Variants in GABRG3 observed in about 807,000 individuals in gnomAD.
GABRG3 encodes gamma-aminobutyric acid type A receptor subunit gamma3.
A neutral mutation model predicts 48.8 loss-of-function variants in GABRG3; 25 were observed. The observed-to-expected ratio is 0.51, with a 90% CI of 0.37 to 0.72. The LOEUF (loss-of-function observed/expected upper bound fraction) is 0.72. Ranked by LOEUF, GABRG3 falls within the 30% of genes least tolerant of loss-of-function variation. The pLI, the probability that GABRG3 is intolerant of heterozygous loss-of-function variation, is 0.00. For synonymous variants in GABRG3, 227 were observed against 217.6 expected, an observed-to-expected ratio of 1.04 and a Z score of -0.38; for missense variants, 394 against 577.9, an observed-to-expected ratio of 0.68 and a Z score of 3.26.
intron 3 of GABRG3, among the ~76,000 whole-genome samples, chr15:27,093,771 A>G (rs1254641847): frequency 1.3e-5 from 2 of 152,300 alleles, no homozygotes; most frequent in Non-Finnish European, 2.9e-5. Flanking sequence ...AGCCCTAAAA[A>G]AGGAACTTCA....
intron 2 of GABRG3, among the ~76,000 whole-genome samples, chr15:26,993,862 C>CTA (rs376195336): frequency 3.2e-4 from 49 of 151,094 alleles, no homozygotes; most frequent in African/African-American, 6.8e-4. Context: ...ATAATATTTG[C>CTA]TATATATATA....
chr15:27,172,336 T>C (rs529211003), intron 3 of GABRG3, among the ~76,000 whole-genome samples: 1 of 152,156 alleles, frequency 6.6e-6, no homozygotes, highest in African/African-American at 2.4e-5. Flanking sequence ...TCCTTAGTTC[T>C]TAGTGTGCTT....
intron 3 of GABRG3, among the ~76,000 whole-genome samples, chr15:27,237,514 C>T (rs764939543): frequency 1.6e-4 from 24 of 152,136 alleles, no homozygotes; most frequent in Non-Finnish European, 2.9e-4. Context: ...AGGACCTTGA[C>T]CTGCCCCGAG....
Position 27,533,610 on chromosome 15 carries a change from T to C in GABRG3, c.*729T>C, listed in dbSNP as rs1011818542. On this transcript the variant is annotated 3_prime_UTR_variant, in exon 10 of 10. Coordinates refer to ENST00000615808, the MANE Select transcript of GABRG3 (RefSeq NM_033223.5). ...TTACTTTATTCCAACTTACTGAGAGTCAACAATATTTGAACTTTGGGTTCT... is the reference window on the plus strand; with the variant it reads ...TTACTTTATTCCAACTTACTGAGAGCCAACAATATTTGAACTTTGGGTTCT... The C allele has an allele frequency of 6.6e-6, 1 of 152,156 alleles. No homozygotes were observed. The highest frequency in any genetic ancestry group is 1.5e-5 in the Non-Finnish European group (1 of 68,042). 9.4% of individuals were successfully genotyped at this position (152,156 alleles called of 1,614,324 possible).
chr15:27,031,225 T>A (rs912889318), intron 3 of GABRG3, among the ~76,000 whole-genome samples: 1 of 152,218 alleles, frequency 6.6e-6, no homozygotes, highest in African/African-American at 2.4e-5. Context: ...TGTTGTTTAT[T>A]TTATGGATTT....
intron 5 of GABRG3, among the ~76,000 whole-genome samples, chr15:27,354,099 G>C (rs146542612): frequency 2.0e-5 from 3 of 152,310 alleles, no homozygotes; most frequent in African/African-American, 7.2e-5. Flanking sequence ...TACCGACTAA[G>C]AAGCTGGATG....
At chr15:27,410,359 C>A (rs1472197060) in intron 5 of GABRG3, among the ~76,000 whole-genome samples, 3 of 151,710 alleles carry the variant, frequency 2.0e-5, no homozygotes, top group African/African-American at 7.3e-5. Flanking sequence ...TTTTTTTGTA[C>A]TTTTTTAGTT....
chr15:27,215,542 T>G (rs1381891990), intron 3 of GABRG3, among the ~76,000 whole-genome samples: 1 of 152,198 alleles, frequency 6.6e-6, no homozygotes, highest in Non-Finnish European at 1.5e-5. Flanking sequence ...TCTAACCTCT[T>G]CCTGAACATT....
At chr15:27,134,427 A>G (rs1897972130) in intron 3 of GABRG3, among the ~76,000 whole-genome samples, 1 of 151,996 alleles carries the variant, frequency 6.6e-6, no homozygotes, top group South Asian at 2.1e-4. Flanking sequence ...TTTTTTAGAA[A>G]CACCCTCCTG....
At chr15:27,510,901 AT>A (rs80069727) in intron 6 of GABRG3, among the ~76,000 whole-genome samples, 7,763 of 152,150 alleles carry the variant, frequency 0.051, 371 homozygotes, top group African/African-American at 0.11. Context: ...TACTTTAAAT[AT>A]TTTTTTCTTG....
chr15:27,306,693 T>C (rs1371125928), intron 3 of GABRG3, among the ~76,000 whole-genome samples: 1 of 115,020 alleles, frequency 8.7e-6, no homozygotes, highest in East Asian at 2.3e-4. Context: ...TATGAACATG[T>C]TTATATATAA....
intron 5 of GABRG3, among the ~76,000 whole-genome samples, chr15:27,450,302 C>T (rs1435420929): frequency 6.6e-6 from 1 of 152,122 alleles, no homozygotes; most frequent in Non-Finnish European, 1.5e-5. Context: ...AACACAGATG[C>T]AAAAATCCTC....
chr15:27,064,333 C>G (rs1896701280), intron 3 of GABRG3, among the ~76,000 whole-genome samples: 1 of 152,144 alleles, frequency 6.6e-6, no homozygotes, highest in Non-Finnish European at 1.5e-5. Flanking sequence ...GTGAGAGTCC[C>G]TCCAGGCCCG....
intron 3 of GABRG3, among the ~76,000 whole-genome samples, chr15:27,046,655 A>G (rs1896370962): frequency 2.6e-5 from 4 of 152,342 alleles, no homozygotes; most frequent in Middle Eastern, 6.8e-3. Context: ...TAGCAAATTC[A>G]TTAAACTCCA....
At chr15:27,417,733 C>T (rs1489230643) in intron 5 of GABRG3, among the ~76,000 whole-genome samples, 2 of 152,136 alleles carry the variant, frequency 1.3e-5, no homozygotes, top group Admixed American at 1.3e-4. Flanking sequence ...GTGTATTTTT[C>T]GTTTTTCCCC....
chr15:27,218,727 A>G (rs8036270), intron 3 of GABRG3, among the ~76,000 whole-genome samples: 56,608 of 152,046 alleles, frequency 0.37, 11,643 homozygotes, highest in South Asian at 0.58. Flanking sequence ...ATATAAGGAA[A>G]TGAGGTTTAG....
intron 3 of GABRG3, among the ~76,000 whole-genome samples, chr15:27,148,023 G>A (rs1898241241): frequency 1.3e-5 from 2 of 151,784 alleles, no homozygotes; most frequent in Non-Finnish European, 2.9e-5. Context: ...AAAACCAAAA[G>A]TTGTTTTTTT....
chr15:27,258,303 G>A (rs1455159773), intron 3 of GABRG3, among the ~76,000 whole-genome samples: 1 of 152,180 alleles, frequency 6.6e-6, no homozygotes, highest in Admixed American at 6.5e-5. Flanking sequence ...ATGAAAGCAT[G>A]ATATTTTAAA....
chr15:27,051,503 G>A (rs1211628610), intron 3 of GABRG3, among the ~76,000 whole-genome samples: 1 of 152,170 alleles, frequency 6.6e-6, no homozygotes, highest in African/African-American at 2.4e-5. Flanking sequence ...CTTTGGGAAG[G>A]GGATTAAGTC....
Sources: allele counts gnomAD v4.1 joint callset (sites outside exome capture counted in the v4.1 genomes callset), GRCh38; gene constraint gnomAD v4.1.1; transcripts MANE v1.5; gene names NCBI Gene and HGNC (gene_info 2026-07-23, HGNC 2026-07-21).